The following PLEKHG6 variants were observed in gnomAD, a reference collection of about 807,000 sequenced individuals.
The protein encoded by PLEKHG6 is pleckstrin homology and RhoGEF domain containing G6.
In PLEKHG6, 91 loss-of-function variants were observed where a neutral mutation model predicts 97.5. The ratio of observed to expected loss-of-function variants is 0.93; its 90% confidence interval spans 0.79 to 1.11. The LOEUF (loss-of-function observed/expected upper bound fraction) is 1.11, where lower values mean the gene tolerates loss of function less well. PLEKHG6 is among the 50% of genes most tolerant of loss of function. The probability of loss-of-function intolerance (pLI) is 0.00; values close to 1 mark genes in which losing one functional copy is unlikely to be tolerated. For synonymous variants in PLEKHG6, 466 were observed against 425.5 expected, an observed-to-expected ratio of 1.10 and a Z score of -1.17; for missense variants, 1,044 against 1,031.0, an observed-to-expected ratio of 1.01 and a Z score of -0.17.
chr12:6,323,094 G>A (rs140424376), intron 13 of PLEKHG6, among the ~76,000 whole-genome samples: 1 of 152,076 alleles, frequency 6.6e-6, no homozygotes, highest in South Asian at 2.1e-4. Flanking sequence ...TTGGTTTTTA[G>A]TCACAGAACA....
intron 2 of PLEKHG6, chr12:6,312,860 C>A (rs924950689): frequency 1.5e-6 from 2 of 1,315,030 alleles, no homozygotes; most frequent in Non-Finnish European, 2.0e-6. Context: ...CAGTCCTAAC[C>A]AAGCAGAGGG....
At chr12:6,313,514 C>T in intron 2 of PLEKHG6, 115 bp from the exon 3 acceptor site, 1 of 1,277,304 alleles carries the variant, frequency 7.8e-7, no homozygotes, top group South Asian at 1.4e-5. Flanking sequence ...GTGAGCCAGC[C>T]CGACTTACCA....
chr12:6,326,514 C>T lies in PLEKHG6; in HGVS notation c.1611C>T (p.Ser537=), dbSNP rs766409460. The T allele has an allele frequency of 4.4e-6, 7 of 1,597,536 alleles. No homozygotes were observed. In the African/African-American group the frequency reaches 6.8e-5, roughly 16 times the overall value. The change falls in exon 14 of 16, where the codon TCC becomes TCT. Residue 537 remains serine (S), a synonymous_variant. Coordinates refer to ENST00000684764, the MANE Select transcript of PLEKHG6 (RefSeq NM_001384598.1). ...TCTATCGGGACCAGGACAGGGAGTCCCCCAGCACCAGGCCCTCCACGCCTT... is the reference window on the plus strand; with the variant it reads ...TCTATCGGGACCAGGACAGGGAGTCTCCCAGCACCAGGCCCTCCACGCCTT... ...LTLYRDQDRE[S]PSTRPSTPSL...
At chr12:6,319,492 G>T in intron 13 of PLEKHG6, 2 of 1,453,014 alleles carry the variant, frequency 1.4e-6, no homozygotes, top group Non-Finnish European at 1.8e-6. Context: ...AGGAACGAAT[G>T]AACATGGGAG....
intron 1 of PLEKHG6, chr12:6,311,173 C>T (rs940777419): frequency 7.2e-5 from 11 of 152,400 alleles, no homozygotes; most frequent in African/African-American, 1.9e-4. Context: ...GAGCCCACCG[C>T]CCCTTAGGAG....
At position 6,327,429 on chromosome 12, in the gene PLEKHG6, G is replaced by T; in HGVS notation, c.1846G>T (p.Asp616Tyr). ...SRLRQRALRR[D>Y]PRLTFSTLEL... The stretch of plus-strand genomic sequence containing the variant: ...TCTACGCCAAAGAGCCCTTCGGCGG[G>T]ACCCTCGCCTCACCTTCTCCACCCT... Residue 616 changes from aspartate to tyrosine, a missense_variant, in exon 15 of 16, where the codon GAC becomes TAC. Coordinates refer to ENST00000684764, the MANE Select transcript of PLEKHG6 (RefSeq NM_001384598.1). 6.2e-7 allele frequency: 1 copy of T among 1,613,922 alleles called. No homozygotes were observed. The highest frequency in any genetic ancestry group is 1.1e-5 in the South Asian group (1 of 91,072).
intron 9 of PLEKHG6, 67 bp from the exon 10 acceptor site, chr12:6,317,790 G>T: frequency 1.3e-6 from 2 of 1,550,594 alleles, no homozygotes; most frequent in Non-Finnish European, 1.7e-6. Context: ...GCGCTGTGCT[G>T]TGGCTGGCAT....
chr12:6,312,255 G>GC lies in PLEKHG6; in HGVS notation c.34dup (p.Leu12ProfsTer10). On this transcript the variant is annotated frameshift_variant, in exon 2 of 16. Coordinates refer to ENST00000684764, the MANE Select transcript of PLEKHG6 (RefSeq NM_001384598.1). LOFTEE classifies it high-confidence loss of function. ...AAGGCCTTTGGTCCTCCACATGAGG[G>GC]CCCCCTCCAAGGACTCGTGGCCTCC... 6.5e-7 allele frequency: 1 copy of GC among 1,537,026 alleles called. No homozygotes were observed. The highest frequency in any genetic ancestry group is 2.3e-5 in the Admixed American group (1 of 43,998).
At position 6,313,509 on chromosome 12, in the gene PLEKHG6, C is replaced by A. The variant is rs1947344802; in HGVS notation, c.139-120C>A. The A allele has an allele frequency of 4.1e-6, 5 of 1,220,324 alleles. No individual in the cohort carries two copies. The African/African-American group carries it at 4.5e-5, about 11-fold the overall frequency. 75.6% of individuals were successfully genotyped at this position (1,220,324 alleles called of 1,614,324 possible). On this transcript the variant is annotated intron_variant, in intron 2 of 15. Coordinates refer to ENST00000684764, the MANE Select transcript of PLEKHG6 (RefSeq NM_001384598.1). ...AAACTGGTTTGCAGGGAGAAGTGAG[C>A]CAGCCCGACTTACCAGGGTGGGGGA...
At position 6,318,003 on chromosome 12, in the gene PLEKHG6, G is replaced by A. The variant is rs1947548243; in HGVS notation, c.1155+9G>A. 2 of 1,583,526 alleles carry A rather than the reference G, an allele frequency of 1.3e-6. No individual in the cohort carries two copies. The highest frequency in any genetic ancestry group is 1.3e-5 in the African/African-American group (1 of 74,454). ...GTGATGAGGTGGAGAAGGTGAGAGG[G>A]CAAAGGGAAGGGACCCAGGAAAAGC... On this transcript the variant is annotated intron_variant, in intron 10 of 15. Transcript: ENST00000684764.
At chr12:6,317,526 C>T (rs1947519144) in intron 8 of PLEKHG6, 21 bp from the exon 9 acceptor site, 1 of 1,612,236 alleles carries the variant, frequency 6.2e-7, no homozygotes, top group Non-Finnish European at 8.5e-7. Context: ...AAACCCTGAG[C>T]CCCACCCACC....
intron 13 of PLEKHG6, chr12:6,319,731 ACAGGG>A: frequency 4.0e-6 from 6 of 1,492,708 alleles, no homozygotes; most frequent in Non-Finnish European, 3.6e-6. Flanking sequence ...GCAGACATTT[ACAGGG>A]CACTTGCTGA....
intron 13 of PLEKHG6, among the ~76,000 whole-genome samples, chr12:6,322,671 G>T (rs1337780316): frequency 1.3e-5 from 2 of 152,166 alleles, no homozygotes; most frequent in African/African-American, 2.4e-5. Context: ...CTTGAGACCA[G>T]AAGTTCAAGA....
intron 11 of PLEKHG6, 112 bp downstream of exon 11, chr12:6,318,532 C>A: frequency 7.4e-7 from 1 of 1,360,170 alleles, no homozygotes; most frequent in Non-Finnish European, 9.9e-7. Flanking sequence ...GTGGTTCTGG[C>A]TAAGCCCCAG....
At chr12:6,325,530 G>A (rs577553622) in intron 13 of PLEKHG6, among the ~76,000 whole-genome samples, 15 of 152,234 alleles carry the variant, frequency 9.9e-5, no homozygotes, top group South Asian at 4.1e-4. Context: ...AATATAATGC[G>A]TCCTCTCCTC....
intron 11 of PLEKHG6, 52 bp downstream of exon 11, chr12:6,318,472 A>G (rs764907533): frequency 6.5e-7 from 1 of 1,548,648 alleles, no homozygotes; most frequent in Non-Finnish European, 8.7e-7. Context: ...GGGAGAAGGT[A>G]AGAGGCAGAA....
In PLEKHG6 at chr12:6,313,635, AGTCGCCGAC is replaced by A. The variant is rs1182793447; in HGVS notation, c.147_155del (p.Arg50_Arg52del). 1 of 1,614,066 alleles carries A rather than the reference AGTCGCCGAC, an allele frequency of 6.2e-7. No homozygotes were observed. The highest frequency in any genetic ancestry group is 1.1e-5 in the South Asian group (1 of 91,086). On this transcript the variant is annotated inframe_deletion, in exon 3 of 16. Coordinates refer to ENST00000684764, the MANE Select transcript of PLEKHG6 (RefSeq NM_001384598.1). ...TCCCCTGCTCCTCTCCCAGGATCCC[AGTCGCCGAC>A]GCCTCCAGCAGTATGTCCCCTTTGC... is the stretch of plus-strand genomic sequence containing the variant.
At chr12:6,311,638 G>C (rs924541073) in intron 1 of PLEKHG6, among the ~76,000 whole-genome samples, 2 of 152,094 alleles carry the variant, frequency 1.3e-5, no homozygotes, top group African/African-American at 4.8e-5. Flanking sequence ...TTGCAGGGGG[G>C]GCAGCAGTTG....
rs1947573451 is a variant in PLEKHG6, at chr12:6,318,501, G to A, written c.1275+81G>A. ...GGCAGAAACGCCGGAAGTGGGAGAA[G>A]AGGGGTTTGGGGAAGAGGATGTGGT... On this transcript the variant is annotated intron_variant, in intron 11 of 15. Transcript: ENST00000684764. The A allele has an allele frequency of 2.7e-6, 4 of 1,495,554 alleles. No individual in the cohort carries two copies. The African/African-American group carries it at 4.2e-5, about 16-fold the overall frequency. 92.6% of individuals were successfully genotyped at this position (1,495,554 alleles called of 1,614,324 possible).
Sources: gnomAD v4.1 joint callset for allele counts (sites outside exome capture counted in the v4.1 genomes callset) on GRCh38, gnomAD v4.1.1 for gene constraint, MANE v1.5 for transcripts, NCBI Gene and HGNC (gene_info 2026-07-23, HGNC 2026-07-21) for gene names.